NTRK2: variants seen among roughly 807,000 people sequenced by gnomAD.
NTRK2 encodes the protein neurotrophic receptor tyrosine kinase 2.
In NTRK2, 13 loss-of-function variants were observed where a neutral mutation model predicts 94.5. That is an observed-to-expected ratio of 0.14 (90% confidence interval 0.09 to 0.22). The LOEUF is 0.22. Ranked by LOEUF, NTRK2 falls within the 10% of genes least tolerant of loss-of-function variation. The probability of loss-of-function intolerance (pLI) is 1.00; values close to 1 mark genes in which losing one functional copy is unlikely to be tolerated. For missense variants in NTRK2, 639 were observed against 1,071.2 expected, an observed-to-expected ratio of 0.60 and a Z score of 5.63; for synonymous variants, 372 against 407.4, an observed-to-expected ratio of 0.91 and a Z score of 1.05.
chr9:84,747,693 G>A (rs1434227113), intron 11 of NTRK2, among the ~76,000 whole-genome samples: 1 of 152,032 alleles, frequency 6.6e-6, no homozygotes, highest in African/African-American at 2.4e-5. Context: ...ATGTTAGCCA[G>A]GATGGTCTCA....
At chr9:84,719,948 A>G (rs1281433460) in intron 6 of NTRK2, among the ~76,000 whole-genome samples, 1 of 142,146 alleles carries the variant, frequency 7.0e-6, no homozygotes, top group Non-Finnish European at 1.5e-5. Flanking sequence ...TGAACTCAGG[A>G]GGCAGAGGTT....
In NTRK2 at chr9:84,938,922, T is replaced by G. The variant is rs964740385; in HGVS notation, c.1764+4630T>G. Among the ~76,000 whole-genome samples, 3 of 151,846 alleles carry G rather than the reference T, an allele frequency of 2.0e-5. No homozygotes were observed. In the East Asian group the frequency reaches 5.8e-4, roughly 29 times the overall value. ...AAAAAGTTAGCTGAGTGTGGTGGCA[T>G]GCACCTGTGGTCCCAGCTACTTGGT... On this transcript the variant is annotated intron_variant, in intron 15 of 18. Transcript: ENST00000277120.
intron 15 of NTRK2, among the ~76,000 whole-genome samples, chr9:84,940,463 C>A (rs1395618876): frequency 1.3e-5 from 2 of 152,164 alleles, no homozygotes; most frequent in Non-Finnish European, 2.9e-5. Flanking sequence ...GCTTTCATAC[C>A]AGCTACTGCC....
chr9:84,751,910 GT>G (rs1332063993), intron 11 of NTRK2, 75 bp from the exon 12 acceptor site: 1 of 1,122,378 alleles, frequency 8.9e-7, no homozygotes, highest in Non-Finnish European at 1.4e-6. Context: ...CATTATCATC[GT>G]CATGATCATC....
rs536902634 is a variant in NTRK2, at chr9:84,908,176, GAA to G, written c.1634-25984_1634-25983del. Among the ~76,000 whole-genome samples the G allele has an allele frequency of 2.6e-4, 39 of 152,334 alleles. 1 individual carries two copies. In the South Asian group the frequency reaches 7.3e-3, roughly 28 times the overall value. Reference sequence around the variant, plus strand: ...CTGTTTCATTTGTAGGAGAATGTGGGAAACGACATTTACCTCTGGGTCTGTAT... The same window carrying G: ...CTGTTTCATTTGTAGGAGAATGTGGGACGACATTTACCTCTGGGTCTGTAT... On this transcript the variant is annotated intron_variant, in intron 14 of 18. Transcript: ENST00000277120.
rs564769145 is a variant in NTRK2, at chr9:85,002,303, G to A, written c.2173-17903G>A. Among the ~76,000 whole-genome samples the A allele has an allele frequency of 2.0e-5, 3 of 152,312 alleles. No homozygotes were observed. The South Asian group carries it at 6.2e-4, about 32-fold the overall frequency. Reference sequence around the variant, plus strand: ...TATCAGAATGAGGCCAGTTCTAACTGACTGAGTTTTCATTAGTGAAGATCA... The same window carrying A: ...TATCAGAATGAGGCCAGTTCTAACTAACTGAGTTTTCATTAGTGAAGATCA... On this transcript the variant is annotated intron_variant, in intron 17 of 18. Transcript: ENST00000277120.
intron 13 of NTRK2, among the ~76,000 whole-genome samples, chr9:84,863,864 A>T (rs1254310194): frequency 6.6e-6 from 1 of 152,180 alleles, no homozygotes; most frequent in African/African-American, 2.4e-5. Flanking sequence ...CTTTTGAAAA[A>T]TTACCTGTGG....
chr9:84,744,528 C>T (rs34525094), intron 10 of NTRK2, among the ~76,000 whole-genome samples: 9,733 of 152,070 alleles, frequency 0.064, 423 homozygotes, highest in South Asian at 0.11. Context: ...CATCTTCTTG[C>T]CTTCACCTGG....
At chr9:84,927,262 C>T (rs1341720467) in intron 14 of NTRK2, among the ~76,000 whole-genome samples, 1 of 152,174 alleles carries the variant, frequency 6.6e-6, no homozygotes, top group East Asian at 1.9e-4. Flanking sequence ...CTACTTAACA[C>T]CTTGTCTTAA....
At chr9:84,871,389 A>G (rs992956856) in intron 14 of NTRK2, among the ~76,000 whole-genome samples, 2 of 152,202 alleles carry the variant, frequency 1.3e-5, no homozygotes, top group African/African-American at 4.8e-5. Context: ...AAATAAAAAT[A>G]TATCAGTGTG....
chr9:84,982,741 C>T (rs931338284), intron 17 of NTRK2, among the ~76,000 whole-genome samples: 1 of 152,204 alleles, frequency 6.6e-6, no homozygotes, highest in Non-Finnish European at 1.5e-5. Flanking sequence ...GGGATGACAA[C>T]TGTTTGACGT....
At chr9:84,895,585 G>T (rs1253721236) in intron 14 of NTRK2, among the ~76,000 whole-genome samples, 3 of 152,194 alleles carry the variant, frequency 2.0e-5, no homozygotes, top group African/African-American at 7.2e-5. Context: ...TTTTAAACCG[G>T]TTCTTATTAT....
At chr9:84,823,738 G>A (rs2073002750) in intron 12 of NTRK2, among the ~76,000 whole-genome samples, 1 of 152,164 alleles carries the variant, frequency 6.6e-6, no homozygotes. Context: ...AAATTTTCTA[G>A]TTTTTAAATG....
intron 15 of NTRK2, among the ~76,000 whole-genome samples, chr9:84,945,896 G>T (rs977713507): frequency 1.6e-4 from 24 of 152,130 alleles, no homozygotes; most frequent in African/African-American, 5.3e-4. Flanking sequence ...AAATAGTATT[G>T]ATCCCGAGAG....
chr9:84,719,073 A>G (rs889227671), intron 6 of NTRK2, among the ~76,000 whole-genome samples: 6 of 152,230 alleles, frequency 3.9e-5, no homozygotes, highest in Admixed American at 2.0e-4. Flanking sequence ...TTTAAATGAA[A>G]TAATTCCTTT....
intron 14 of NTRK2, among the ~76,000 whole-genome samples, chr9:84,917,939 C>T (rs1213015199): frequency 6.6e-6 from 1 of 152,122 alleles, no homozygotes; most frequent in Non-Finnish European, 1.5e-5. Flanking sequence ...CATTGACTGG[C>T]AAGCAGCTGT....
At chr9:84,721,703 C>T (rs1369838190) in intron 6 of NTRK2, among the ~76,000 whole-genome samples, 1 of 151,948 alleles carries the variant, frequency 6.6e-6, no homozygotes, top group Non-Finnish European at 1.5e-5. Context: ...CAGAGCAATA[C>T]CAAAAGAAGA....
rs536343018 is a variant in NTRK2 at position 84,894,263 on chromosome 9, G to C, written c.1633+26832G>C. 1.6e-4 allele frequency among the ~76,000 whole-genome samples: 23 copies of C among 147,508 alleles called. No homozygotes were observed. The Middle Eastern group carries it at 0.014, about 88-fold the overall frequency. On this transcript the variant is annotated intron_variant, in intron 14 of 18. Transcript: ENST00000277120. The stretch of plus-strand genomic sequence containing the variant: ...CTTGAATGTATTCCAGCTGTGAGCT[G>C]GTTCTCTTTTGCATCTCACACGTGT...
At chr9:84,748,590 T>C (rs2064300694) in intron 11 of NTRK2, among the ~76,000 whole-genome samples, 1 of 152,182 alleles carries the variant, frequency 6.6e-6, no homozygotes, top group South Asian at 2.1e-4. Flanking sequence ...TTAAGGACTG[T>C]CCAAAGCAGG....
Sources: gnomAD v4.1 joint callset for allele counts (sites outside exome capture counted in the v4.1 genomes callset) on GRCh38, gnomAD v4.1.1 for gene constraint, MANE v1.5 for transcripts, NCBI Gene and HGNC (gene_info 2026-07-23, HGNC 2026-07-21) for gene names.